ZBTB7C: variants seen among roughly 807,000 people sequenced by gnomAD.
ZBTB7C encodes zinc finger and BTB domain containing 7C, also known as zinc finger and BTB domain-containing protein 7C.
ZBTB7C carries 8 observed loss-of-function variants against 25.7 expected under a neutral mutation model. The observed-to-expected ratio is 0.31, with a 90% CI of 0.18 to 0.56. The LOEUF (loss-of-function observed/expected upper bound fraction) is 0.56. Ranked by LOEUF, ZBTB7C falls within the 20% of genes least tolerant of loss-of-function variation. The probability of loss-of-function intolerance (pLI) is 0.91; values close to 1 mark genes in which losing one functional copy is unlikely to be tolerated. For synonymous variants in ZBTB7C, 394 were observed against 369.0 expected, an observed-to-expected ratio of 1.07 and a Z score of -0.78; for missense variants, 824 against 855.2, an observed-to-expected ratio of 0.96 and a Z score of 0.46.
chr18:48,320,086 C>T (rs1020794264), intron 2 of ZBTB7C, among the ~76,000 whole-genome samples: 2 of 151,710 alleles, frequency 1.3e-5, no homozygotes, highest in African/African-American at 4.8e-5. Flanking sequence ...ATTCAGGAGA[C>T]AGGAAGTAGA....
chr18:48,190,814 C>T (rs1212283394), intron 2 of ZBTB7C, among the ~76,000 whole-genome samples: 1 of 152,122 alleles, frequency 6.6e-6, no homozygotes, highest in South Asian at 2.1e-4. Flanking sequence ...CTAAAGATCC[C>T]CCCTCTCAGC....
intron 1 of ZBTB7C, among the ~76,000 whole-genome samples, chr18:48,380,489 G>C (rs2047611194): frequency 1.3e-5 from 2 of 152,152 alleles, no homozygotes; most frequent in Non-Finnish European, 2.9e-5. Flanking sequence ...ATAAATACAA[G>C]TGGTTACATA....
intron 3 of ZBTB7C, among the ~76,000 whole-genome samples, chr18:48,045,390 A>G (rs2036428503): frequency 6.6e-6 from 1 of 152,180 alleles, no homozygotes. Context: ...AGAAGGGGAG[A>G]GAAGAAAATA....
chr18:48,367,364 AT>A (rs1302166785), intron 1 of ZBTB7C, among the ~76,000 whole-genome samples: 47 of 132,372 alleles, frequency 3.6e-4, no homozygotes, highest in Admixed American at 5.3e-4. Flanking sequence ...ATATATATAT[AT>A]ATATATAAAA....
intron 2 of ZBTB7C, among the ~76,000 whole-genome samples, chr18:48,265,791 G>C (rs1243958498): frequency 6.6e-6 from 1 of 152,202 alleles, no homozygotes; most frequent in Non-Finnish European, 1.5e-5. Flanking sequence ...GGGAAAGACT[G>C]AGAAACTGCT....
At chr18:48,332,877 C>T (rs966466320) in intron 2 of ZBTB7C, among the ~76,000 whole-genome samples, 7 of 151,936 alleles carry the variant, frequency 4.6e-5, no homozygotes, top group Admixed American at 2.0e-4. Flanking sequence ...AACACATAGT[C>T]GAACATGATA....
At chr18:48,358,221 G>A (rs546327427) in intron 1 of ZBTB7C, among the ~76,000 whole-genome samples, 16 of 152,206 alleles carry the variant, frequency 1.1e-4, no homozygotes, top group African/African-American at 2.6e-4. Context: ...ACATGGTGGC[G>A]GGCACCTGTA....
At chr18:48,153,783 A>C (rs1216271300) in intron 3 of ZBTB7C, among the ~76,000 whole-genome samples, 5 of 152,238 alleles carry the variant, frequency 3.3e-5, no homozygotes, top group African/African-American at 1.2e-4. Flanking sequence ...TTGAGGTCAA[A>C]GCTCCTGGCC....
intron 3 of ZBTB7C, among the ~76,000 whole-genome samples, chr18:48,110,535 G>A (rs541486953): frequency 3.9e-5 from 6 of 152,328 alleles, no homozygotes; most frequent in African/African-American, 1.2e-4. Context: ...TGTCAGGCTC[G>A]TTGTTGGCGT....
intron 3 of ZBTB7C, among the ~76,000 whole-genome samples, chr18:48,123,183 A>C (rs1462508180): frequency 2.0e-5 from 3 of 152,226 alleles, no homozygotes; most frequent in Admixed American, 2.0e-4. Flanking sequence ...TCAAGTGATC[A>C]CATGATAGGG....
At chr18:48,163,278 A>G (rs75800190) in intron 3 of ZBTB7C, among the ~76,000 whole-genome samples, 21,707 of 152,222 alleles carry the variant, frequency 0.14, 1,711 homozygotes, top group South Asian at 0.23. Flanking sequence ...GGCCCTGGAC[A>G]GTGGCTGTGT....
At chr18:48,100,603 G>T (rs1379644984) in intron 3 of ZBTB7C, among the ~76,000 whole-genome samples, 1 of 152,140 alleles carries the variant, frequency 6.6e-6, no homozygotes, top group Non-Finnish European at 1.5e-5. Flanking sequence ...AGCCTTAATT[G>T]CTAGACAGAC....
chr18:48,143,174 T>C (rs749017636), intron 3 of ZBTB7C, among the ~76,000 whole-genome samples: 1 of 152,080 alleles, frequency 6.6e-6, no homozygotes, highest in African/African-American at 2.4e-5. Context: ...ATAGCTCCCA[T>C]ATACAGTGAG....
Position 48,389,236 on chromosome 18 carries a change from C to T in ZBTB7C, c.-304+19990G>A, listed in dbSNP as rs867636494. ...TCTCTCTCTCTCTCTCTCTCTCTCT[C>T]GTGTGTGTGTGTGTGTGTGTGTGTG... is the stretch of plus-strand genomic sequence containing the variant. On this transcript the variant is annotated intron_variant, in intron 1 of 4. Coordinates refer to ENST00000590800, the MANE Select transcript of ZBTB7C (RefSeq NM_001318841.2). 2.1e-3 allele frequency among the ~76,000 whole-genome samples: 130 copies of T among 62,318 alleles called. 1 individual carries two copies. Among genetic ancestry groups the T allele is most frequent in the Middle Eastern group, 8.3e-3 (1 of 120 alleles). The allele number at this position is 62,318 out of a possible 152,430, so 40.9% of individuals were successfully genotyped here. A position where few individuals can be genotyped will look rare whatever the true frequency, so the allele number is the denominator to read the frequency against.
intron 3 of ZBTB7C, among the ~76,000 whole-genome samples, chr18:48,178,491 T>C (rs941583828): frequency 2.6e-5 from 4 of 152,256 alleles, no homozygotes; most frequent in Non-Finnish European, 5.9e-5. Flanking sequence ...GAGAGAAAAG[T>C]TGGTGGAGGA....
At chr18:48,155,387 G>A (rs1393376815) in intron 3 of ZBTB7C, among the ~76,000 whole-genome samples, 6 of 138,548 alleles carry the variant, frequency 4.3e-5, no homozygotes, top group South Asian at 2.3e-4. Context: ...GAGTGCAGTG[G>A]TGCAATCTTG....
chr18:48,368,499 GA>G (rs1299121340), intron 1 of ZBTB7C, among the ~76,000 whole-genome samples: 1 of 152,126 alleles, frequency 6.6e-6, no homozygotes, highest in Non-Finnish European at 1.5e-5. Context: ...AGTCTCAGAA[GA>G]AAAGGAGAAA....
Position 48,189,099 on chromosome 18 carries a change from G to A in ZBTB7C, c.-78-3104C>T, listed in dbSNP as rs201167443. Among the ~76,000 whole-genome samples the A allele has an allele frequency of 3.9e-5, 6 of 152,286 alleles. No individual in the cohort carries two copies. In the East Asian group the frequency reaches 7.7e-4, roughly 20 times the overall value. On this transcript the variant is annotated intron_variant, in intron 2 of 4. Transcript: ENST00000590800. Reference sequence around the variant, plus strand: ...CAGGGCTGAGCACACCATGGTTGCCGGATTGCCTTGCCTCCTTTCTCAGGG... The same window carrying A: ...CAGGGCTGAGCACACCATGGTTGCCAGATTGCCTTGCCTCCTTTCTCAGGG...
intron 3 of ZBTB7C, among the ~76,000 whole-genome samples, chr18:48,101,548 T>C (rs1408347086): frequency 6.6e-6 from 1 of 152,230 alleles, no homozygotes; most frequent in East Asian, 1.9e-4. Flanking sequence ...AGTGAGGCTT[T>C]GATTTTCTAA....
Sources: gnomAD v4.1 joint callset for allele counts (sites outside exome capture counted in the v4.1 genomes callset) on GRCh38, gnomAD v4.1.1 for gene constraint, MANE v1.5 for transcripts, NCBI Gene and HGNC (gene_info 2026-07-23, HGNC 2026-07-21) for gene names.